The following PTCD2 variants were observed in gnomAD, a reference collection of about 807,000 sequenced individuals.
PTCD2 encodes pentatricopeptide repeat domain 2, also known as pentatricopeptide repeat-containing protein 2, mitochondrial.
PTCD2 carries 31 observed loss-of-function variants against 42.6 expected under a neutral mutation model. That is an observed-to-expected ratio of 0.73 (90% confidence interval 0.55 to 0.98). PTCD2 has a LOEUF of 0.98. Ranked by LOEUF, PTCD2 falls within the 50% of genes least tolerant of loss-of-function variation. PTCD2 has a pLI of 0.00. For missense variants in PTCD2, 476 were observed against 454.8 expected, an observed-to-expected ratio of 1.05 and a Z score of -0.42; for synonymous variants, 183 against 170.9, an observed-to-expected ratio of 1.07 and a Z score of -0.55.
intron 8 of PTCD2, among the ~76,000 whole-genome samples, chr5:72,352,233 C>T (rs975882763): frequency 5.9e-5 from 9 of 152,124 alleles, no homozygotes; most frequent in African/African-American, 1.4e-4. Flanking sequence ...CTGCAACCTC[C>T]GCCTCTCAGG....
chr5:72,329,066 A>AT (rs1373886665), intron 3 of PTCD2, among the ~76,000 whole-genome samples: 1 of 152,222 alleles, frequency 6.6e-6, no homozygotes, highest in East Asian at 1.9e-4. Flanking sequence ...TTTTCCTCTC[A>AT]TTTTACTACA....
At chr5:72,333,735 C>CTAAAGAATAGGTTT (rs1751565318) in intron 4 of PTCD2, among the ~76,000 whole-genome samples, 1 of 152,152 alleles carries the variant, frequency 6.6e-6, no homozygotes, top group Non-Finnish European at 1.5e-5. Context: ...TCAAAATTGC[C>CTAAAGAATAGGTTT]TAAAGAATAG....
chr5:72,326,328 G>A (rs991341313), intron 2 of PTCD2, among the ~76,000 whole-genome samples: 2 of 152,122 alleles, frequency 1.3e-5, no homozygotes, highest in African/African-American at 4.8e-5. Flanking sequence ...GATCACCTAG[G>A]GAATCAAAAA....
intron 3 of PTCD2, among the ~76,000 whole-genome samples, chr5:72,330,327 G>A (rs980738098): frequency 6.6e-6 from 1 of 152,078 alleles, no homozygotes; most frequent in Non-Finnish European, 1.5e-5. Flanking sequence ...TATGCATTTA[G>A]AATAGACTAG....
chr5:72,334,994 A>G (rs1414644514), intron 4 of PTCD2, 24 bp from the exon 5 acceptor site: 1 of 1,483,820 alleles, frequency 6.7e-7, no homozygotes, highest in Non-Finnish European at 9.4e-7. Flanking sequence ...CTTTTAACCA[A>G]ACTGTATTGT....
chr5:72,328,443 A>G (rs1751258404), intron 3 of PTCD2, among the ~76,000 whole-genome samples: 1 of 152,218 alleles, frequency 6.6e-6, no homozygotes, highest in Non-Finnish European at 1.5e-5. Context: ...CAGAATTGGC[A>G]TGGCTTCTCT....
intron 3 of PTCD2, among the ~76,000 whole-genome samples, chr5:72,330,982 C>G (rs962960640): frequency 2.0e-5 from 3 of 152,176 alleles, no homozygotes; most frequent in Admixed American, 2.0e-4. Flanking sequence ...GGGGTTGTTT[C>G]TAAATTTAGA....
At chr5:72,331,115 A>G in intron 3 of PTCD2, 143 bp from the exon 4 acceptor site, 1 of 654,818 alleles carries the variant, frequency 1.5e-6, no homozygotes. Context: ...ATTGTCTGAA[A>G]TCTCCATTTC....
At chr5:72,321,979 G>T (rs1425280716) in intron 1 of PTCD2, among the ~76,000 whole-genome samples, 193 bp from the exon 2 acceptor site, 1 of 152,082 alleles carries the variant, frequency 6.6e-6, no homozygotes, top group Non-Finnish European at 1.5e-5. Flanking sequence ...TTTTGCTGAG[G>T]ATTTGCATTC....
At position 72,338,603 on chromosome 5, in the gene PTCD2, C is replaced by A; in HGVS notation, c.640-19C>A. 1 of 1,309,252 alleles carries A rather than the reference C, an allele frequency of 7.6e-7. No homozygotes were observed. The highest frequency in any genetic ancestry group is 1.1e-6 in the Non-Finnish European group (1 of 916,152). 81.1% of individuals were successfully genotyped at this position (1,309,252 alleles called of 1,614,324 possible). On this transcript the variant is annotated intron_variant, in intron 6 of 9. Coordinates refer to ENST00000380639, the MANE Select transcript of PTCD2 (RefSeq NM_024754.5). ...TTAAAGGTTTATAACATTAATCGAACAATCCTGTCTCCTCACAGAATAGCC... is the reference window on the plus strand; with the variant it reads ...TTAAAGGTTTATAACATTAATCGAAAAATCCTGTCTCCTCACAGAATAGCC...
intron 4 of PTCD2, among the ~76,000 whole-genome samples, chr5:72,334,763 C>G (rs1012453036): frequency 6.6e-6 from 1 of 152,044 alleles, no homozygotes; most frequent in Non-Finnish European, 1.5e-5. Context: ...GTTGGCCAGG[C>G]TGGTCTTGAA....
At chr5:72,357,151 C>T (rs1752915539) in intron 9 of PTCD2, among the ~76,000 whole-genome samples, 1 of 152,152 alleles carries the variant, frequency 6.6e-6, no homozygotes, top group Admixed American at 6.6e-5. Flanking sequence ...TCTAGACATA[C>T]CCATTTAGAT....
At chr5:72,343,889 G>C (rs1416620624) in intron 8 of PTCD2, among the ~76,000 whole-genome samples, 1 of 152,130 alleles carries the variant, frequency 6.6e-6, no homozygotes, top group Non-Finnish European at 1.5e-5. Context: ...CTACTTGTGT[G>C]GGGGGAGTTG....
rs770884343 is a variant in PTCD2 at position 72,320,403 on chromosome 5, T to C, written c.21T>C (p.Ala7=). Residue 7 remains alanine, a synonymous_variant, in exon 1 of 10, where the codon GCT becomes GCC. Transcript: ENST00000380639. MVRDSM[A]AAFRPSNRVL... is the part of the protein sequence containing the mutation. ...TTGGTATGGTCCGAGACAGTATGGC[T>C]GCTGCATTTCGGCCCTCGAATCGAG... 5.0e-6 allele frequency: 8 copies of C among 1,614,058 alleles called. No homozygotes were observed. Among genetic ancestry groups the C allele is most frequent in the Non-Finnish European group, 6.8e-6 (8 of 1,180,042 alleles).
chr5:72,346,755 A>T (rs1467377182), intron 8 of PTCD2, among the ~76,000 whole-genome samples: 1 of 152,164 alleles, frequency 6.6e-6, no homozygotes, highest in African/African-American at 2.4e-5. Context: ...TCTGAGAGAG[A>T]GAATGGCCTT....
chr5:72,338,095 G>T (rs16876046), intron 6 of PTCD2, among the ~76,000 whole-genome samples: 10,079 of 152,262 alleles, frequency 0.066, 453 homozygotes, highest in Middle Eastern at 0.14. Context: ...TACCACTGCT[G>T]TTTTTATATC....
At chr5:72,325,812 T>C (rs1288258709) in intron 2 of PTCD2, among the ~76,000 whole-genome samples, 2 of 152,202 alleles carry the variant, frequency 1.3e-5, no homozygotes. Flanking sequence ...AAGCAGATGC[T>C]TGGTTGGTGC....
chr5:72,349,829 C>A (rs913780581), intron 8 of PTCD2, among the ~76,000 whole-genome samples: 7 of 152,150 alleles, frequency 4.6e-5, no homozygotes, highest in African/African-American at 1.4e-4. Context: ...TGCCTTTTAT[C>A]GGTGACTGCC....
At chr5:72,342,404 C>T (rs561599787) in intron 7 of PTCD2, among the ~76,000 whole-genome samples, 3 of 152,320 alleles carry the variant, frequency 2.0e-5, no homozygotes, top group South Asian at 4.1e-4. Context: ...ACAGGATCCA[C>T]GGAAGTTCTC....
Sources: allele counts gnomAD v4.1 joint callset (sites outside exome capture counted in the v4.1 genomes callset), GRCh38; gene constraint gnomAD v4.1.1; transcripts MANE v1.5; gene names NCBI Gene and HGNC (gene_info 2026-07-23, HGNC 2026-07-21).